The following RPS6KA2 variants were observed in gnomAD, a reference collection of about 807,000 sequenced individuals.
The protein encoded by RPS6KA2 is ribosomal protein S6 kinase alpha-2.
Under a neutral mutation model 91.8 loss-of-function variants are expected in RPS6KA2, and 42 were observed. That is an observed-to-expected ratio of 0.46 (90% CI 0.36 to 0.59). The LOEUF (loss-of-function observed/expected upper bound fraction) is 0.59. Ranked by LOEUF, RPS6KA2 falls within the 20% of genes least tolerant of loss-of-function variation. The probability of loss-of-function intolerance (pLI) is 0.00; values close to 1 mark genes in which losing one functional copy is unlikely to be tolerated. For synonymous variants in RPS6KA2, 414 were observed against 393.6 expected, an observed-to-expected ratio of 1.05 and a Z score of -0.61; for missense variants, 798 against 978.5, an observed-to-expected ratio of 0.82 and a Z score of 2.46.
At chr6:166,844,848 T>A (rs969078787) in intron 2 of RPS6KA2, among the ~76,000 whole-genome samples, 2 of 114,370 alleles carry the variant, frequency 1.7e-5, no homozygotes, top group African/African-American at 5.3e-5. Context: ...AGAACCTATA[T>A]AACAATAACA....
intron 2 of RPS6KA2, among the ~76,000 whole-genome samples, chr6:166,773,812 A>G (rs1462475900): frequency 6.6e-6 from 1 of 152,206 alleles, no homozygotes; most frequent in Non-Finnish European, 1.5e-5. Flanking sequence ...TAGCTCCACC[A>G]GGAAGAAAAA....
chr6:166,659,399 G>A (rs1788094640), intron 2 of RPS6KA2, among the ~76,000 whole-genome samples: 1 of 151,962 alleles, frequency 6.6e-6, no homozygotes, highest in African/African-American at 2.4e-5. Flanking sequence ...GGAGGGGAGA[G>A]GGGGCCATCC....
rs1421742249 is a variant in RPS6KA2, at chr6:166,770,085, C to A, written c.123+88115G>T. ...CTTCCAATGACCCGTTTGGCACCTA[C>A]AAGGAGCAGGCCCATCTAGCCTGCT... On this transcript the variant is annotated intron_variant, in intron 2 of 21. Coordinates refer to the RPS6KA2 transcript ENST00000503859. The surrounding 1 kb of genome is among the most constrained non-coding windows in gnomAD (Gnocchi z 5.1). 2.0e-5 allele frequency among the ~76,000 whole-genome samples: 3 copies of A among 152,200 alleles called. No homozygotes were observed. The highest frequency in any genetic ancestry group is 7.2e-5 in the African/African-American group (3 of 41,448).
In RPS6KA2 at chr6:166,477,053, C is replaced by T. The variant is rs560737315; in HGVS notation, c.908-7148G>A. 2.1e-4 allele frequency among the ~76,000 whole-genome samples: 32 copies of T among 152,292 alleles called. No homozygotes were observed. In the East Asian group the frequency reaches 2.1e-3, roughly 10 times the overall value. On this transcript the variant is annotated intron_variant, in intron 10 of 20. Transcript: ENST00000265678. ...GGTAAGTTCCAGCCACAAAACCGGC[C>T]GCCTGTGCAGGTGAAGGTGACTCTG...
At chr6:166,607,271 T>A (rs2128530350) in intron 1 of RPS6KA2, among the ~76,000 whole-genome samples, 1 of 151,508 alleles carries the variant, frequency 6.6e-6, no homozygotes, top group Non-Finnish European at 1.5e-5. Context: ...GATCCAGCAA[T>A]TCCACTCCCA....
chr6:166,588,500 A>G (rs560383942), intron 1 of RPS6KA2, among the ~76,000 whole-genome samples: 2 of 152,208 alleles, frequency 1.3e-5, no homozygotes, highest in South Asian at 4.1e-4. Flanking sequence ...TCCTTTCCAC[A>G]GGGACCCTGC....
At chr6:166,685,970 G>A (rs1008982509) in intron 2 of RPS6KA2, among the ~76,000 whole-genome samples, 2 of 152,224 alleles carry the variant, frequency 1.3e-5, no homozygotes, top group Non-Finnish European at 2.9e-5. Context: ...GAGGGCGAAC[G>A]AAGGGGCTGA....
chr6:166,567,805 G>T (rs987498133), intron 1 of RPS6KA2, among the ~76,000 whole-genome samples: 7 of 152,186 alleles, frequency 4.6e-5, no homozygotes, highest in African/African-American at 1.7e-4. Flanking sequence ...ACCTAGACCA[G>T]CAGGAGACAA....
intron 2 of RPS6KA2, among the ~76,000 whole-genome samples, chr6:166,720,883 C>A (rs2128584394): frequency 6.6e-6 from 1 of 152,296 alleles, no homozygotes; most frequent in Admixed American, 6.5e-5. Context: ...CTAGAACCTC[C>A]CACGAAGCAG....
chr6:166,613,156 G>A (rs888174458), intron 1 of RPS6KA2, among the ~76,000 whole-genome samples: 1 of 152,202 alleles, frequency 6.6e-6, no homozygotes, highest in African/African-American at 2.4e-5. Context: ...CCTGAAACAT[G>A]CCTGCTTTTA....
At chr6:166,547,009 C>T (rs1783848454) in intron 1 of RPS6KA2, among the ~76,000 whole-genome samples, 1 of 152,288 alleles carries the variant, frequency 6.6e-6, no homozygotes, top group Non-Finnish European at 1.5e-5. Context: ...AGTGCAGTGG[C>T]ATGATCTTGG....
intron 2 of RPS6KA2, chr6:166,757,644 C>T: frequency 2.2e-6 from 1 of 456,126 alleles, no homozygotes. Context: ...AGGGCAGCCG[C>T]CACTCCTTTT....
intron 2 of RPS6KA2, among the ~76,000 whole-genome samples, chr6:166,692,277 A>G (rs1219369164): frequency 6.6e-6 from 1 of 152,210 alleles, no homozygotes; most frequent in Non-Finnish European, 1.5e-5. Context: ...AAAAAATAAA[A>G]GAAGCAAACA....
chr6:166,742,936 A>T (rs537837360), intron 2 of RPS6KA2, among the ~76,000 whole-genome samples: 3 of 152,340 alleles, frequency 2.0e-5, no homozygotes, highest in East Asian at 3.9e-4. Context: ...GAAATAACGC[A>T]AAATCATCCA....
At chr6:166,788,453 T>C (rs548832485) in intron 2 of RPS6KA2, among the ~76,000 whole-genome samples, 4 of 152,288 alleles carry the variant, frequency 2.6e-5, no homozygotes, top group Non-Finnish European at 4.4e-5. Context: ...CCATCAATGA[T>C]AGACTGGATA....
At chr6:166,496,324 T>C (rs376848935) in intron 8 of RPS6KA2, among the ~76,000 whole-genome samples, 1 of 151,012 alleles carries the variant, frequency 6.6e-6, no homozygotes, top group South Asian at 2.1e-4. Context: ...CACTCCAGCC[T>C]GGTGACAGAA....
chr6:166,835,292 T>C (rs1029732180), intron 2 of RPS6KA2, among the ~76,000 whole-genome samples: 2 of 152,256 alleles, frequency 1.3e-5, no homozygotes, highest in African/African-American at 4.8e-5. Flanking sequence ...TCTGAACTTC[T>C]GATTAAGTTT....
intron 1 of RPS6KA2, among the ~76,000 whole-genome samples, chr6:166,594,768 C>A (rs1360681279): frequency 6.6e-6 from 1 of 152,134 alleles, no homozygotes; most frequent in African/African-American, 2.4e-5. Flanking sequence ...AGCCCAAACA[C>A]ACAGATTTTT....
At chr6:166,576,222 T>C (rs555734291) in intron 1 of RPS6KA2, among the ~76,000 whole-genome samples, 1 of 152,358 alleles carries the variant, frequency 6.6e-6, no homozygotes, top group African/African-American at 2.4e-5. Flanking sequence ...CAGTCTTGGA[T>C]ATGTCTTTAT....
Sources: allele counts gnomAD v4.1 joint callset (sites outside exome capture counted in the v4.1 genomes callset), GRCh38; gene constraint gnomAD v4.1.1; non-coding constraint Gnocchi (gnomAD v3.1); transcripts MANE v1.5; gene names NCBI Gene and HGNC (gene_info 2026-07-23, HGNC 2026-07-21).